ALDH1L1: variants seen among roughly 807,000 people sequenced by gnomAD.
ALDH1L1 encodes the protein aldehyde dehydrogenase 1 family member L1, also known as cytosolic 10-formyltetrahydrofolate dehydrogenase.
ALDH1L1 carries 68 observed loss-of-function variants against 101.1 expected under a neutral mutation model. The observed-to-expected ratio is 0.67, with a 90% CI of 0.55 to 0.82. The LOEUF is 0.82. Ranked by LOEUF, ALDH1L1 falls within the 40% of genes least tolerant of loss-of-function variation. The pLI, the probability that ALDH1L1 is intolerant of heterozygous loss-of-function variation, is 0.00. For synonymous variants in ALDH1L1, 486 were observed against 470.8 expected, an observed-to-expected ratio of 1.03 and a Z score of -0.42; for missense variants, 1,087 against 1,172.7, an observed-to-expected ratio of 0.93 and a Z score of 1.07.
intron 1 of ALDH1L1, among the ~76,000 whole-genome samples, chr3:126,173,880 G>A (rs2081326044): frequency 1.3e-5 from 2 of 152,312 alleles, no homozygotes; most frequent in South Asian, 4.1e-4. Context: ...TAATGGTAAA[G>A]GAGTCAATTA....
At chr3:126,123,457 C>G (rs958454349) in intron 16 of ALDH1L1, among the ~76,000 whole-genome samples, 19 of 151,914 alleles carry the variant, frequency 1.3e-4, no homozygotes, top group African/African-American at 4.4e-4. Flanking sequence ...GGGGTTTCAC[C>G]ATGTTGGCCA....
chr3:126,137,928 C>A lies in ALDH1L1; in HGVS notation c.1109G>T (p.Gly370Val), dbSNP rs774332314. ...LVEEVKELCDGLELENEDVYM... is the reference protein window; with the variant it reads ...LVEEVKELCDVLELENEDVYM... ...CACATCTTCATTTTCTAACTCCAGG[C>A]CATCACACAGCTCCTTCACTTCCTC... The change falls in exon 10 of 23, where the codon GGC (glycine) becomes GTC (valine). Residue 370 changes from glycine (G) to valine (V), a missense_variant. This residue lies in a region of ALDH1L1 where 645 missense variants were observed against 637.0 expected (regional missense o/e 1.01). Transcript: ENST00000393434. The A allele has an allele frequency of 2.5e-6, 4 of 1,614,024 alleles. No homozygotes were observed. The African/African-American group carries it at 5.3e-5, about 22-fold the overall frequency.
chr3:126,125,244 A>G (rs2080158134), intron 15 of ALDH1L1, among the ~76,000 whole-genome samples: 1 of 152,188 alleles, frequency 6.6e-6, no homozygotes, highest in East Asian at 1.9e-4. Context: ...CTCGGAAGCC[A>G]CATAAGGGAC....
chr3:126,189,052 C>T (rs1189360891), intron 1 of ALDH1L1, among the ~76,000 whole-genome samples: 1 of 152,196 alleles, frequency 6.6e-6, no homozygotes. Flanking sequence ...TCTCGCATCC[C>T]ATGACTGGGC....
chr3:126,112,741 CCA>C, intron 19 of ALDH1L1, 39 bp downstream of exon 19: 1 of 1,588,160 alleles, frequency 6.3e-7, no homozygotes, highest in Non-Finnish European at 8.6e-7. Context: ...CGCTGCTGTC[CCA>C]GTGAACCAGC....
At chr3:126,111,927 G>A (rs150016801) in intron 19 of ALDH1L1, among the ~76,000 whole-genome samples, 3 of 152,186 alleles carry the variant, frequency 2.0e-5, no homozygotes, top group African/African-American at 7.2e-5. Context: ...GGCCTGGCTC[G>A]TGTCAACCCC....
At chr3:126,140,412 T>A (rs542747300) in intron 9 of ALDH1L1, among the ~76,000 whole-genome samples, 2 of 151,802 alleles carry the variant, frequency 1.3e-5, no homozygotes, top group African/African-American at 4.8e-5. Context: ...CTGAAAAGAG[T>A]CTTTCAGGCT....
rs538356029 is a variant in ALDH1L1 at position 126,141,566 on chromosome 3, A to G, written c.1077-3606T>C. 2.6e-5 allele frequency among the ~76,000 whole-genome samples: 4 copies of G among 152,260 alleles called. No individual in the cohort carries two copies. The South Asian group carries it at 8.3e-4, about 32-fold the overall frequency. On this transcript the variant is annotated intron_variant, in intron 9 of 22. Transcript: ENST00000393434. Reference sequence around the variant, plus strand: ...TAACAGAAAGAAATCTGGAAAATCCATAAAGATATGAAAATGAGCTAGCAC... The same window carrying G: ...TAACAGAAAGAAATCTGGAAAATCCGTAAAGATATGAAAATGAGCTAGCAC...
At chr3:126,149,225 T>C (rs1049930805) in intron 8 of ALDH1L1, among the ~76,000 whole-genome samples, 1 of 152,262 alleles carries the variant, frequency 6.6e-6, no homozygotes, top group Non-Finnish European at 1.5e-5. Context: ...TGCTTAGACG[T>C]ATTGCCGATG....
rs1447705446 is a variant in ALDH1L1 at position 126,136,890 on chromosome 3, G to A, written c.1225-7C>T. ...TGTTCACTGCCATTTCCACCTGAAAGAAAGGCCCCAGTGACAAGCACAAAC... is the reference window on the plus strand; with the variant it reads ...TGTTCACTGCCATTTCCACCTGAAAAAAAGGCCCCAGTGACAAGCACAAAC... On this transcript the variant is annotated splice_polypyrimidine_tract_variant and splice_region_variant and intron_variant, in intron 10 of 22. Coordinates refer to ENST00000393434, the MANE Select transcript of ALDH1L1 (RefSeq NM_012190.4). 1.9e-6 allele frequency: 3 copies of A among 1,613,664 alleles called. No homozygotes were observed. The highest frequency in any genetic ancestry group is 2.5e-6 in the Non-Finnish European group (3 of 1,179,874).
At chr3:126,105,128 GTAACT>G (rs2108159845) in intron 22 of ALDH1L1, 1 of 168,566 alleles carries the variant, frequency 5.9e-6, no homozygotes, top group Admixed American at 5.5e-5. Context: ...TGCCGCCTGA[GTAACT>G]TCACCTCTAC....
At chr3:126,150,708 A>G in intron 7 of ALDH1L1, 177 bp from the exon 8 acceptor site, 7 of 596,548 alleles carry the variant, frequency 1.2e-5, no homozygotes, top group Non-Finnish European at 1.9e-5. Context: ...GGCGCGCACC[A>G]CCATGCCCGA....
intron 12 of ALDH1L1, among the ~76,000 whole-genome samples, chr3:126,132,913 G>A (rs13071073): frequency 0.49 from 73,898 of 152,094 alleles, 17,999 homozygotes; most frequent in African/African-American, 0.52. Context: ...CAGGTTTGCT[G>A]CATAAAACCA....
At chr3:126,175,054 A>T (rs2081346338) in intron 1 of ALDH1L1, among the ~76,000 whole-genome samples, 1 of 152,178 alleles carries the variant, frequency 6.6e-6, no homozygotes, top group Non-Finnish European at 1.5e-5. Flanking sequence ...CAAAAATGAA[A>T]GAAGGGCCAT....
intron 1 of ALDH1L1, among the ~76,000 whole-genome samples, chr3:126,164,407 G>C (rs920641761): frequency 6.6e-6 from 1 of 152,144 alleles, no homozygotes; most frequent in Non-Finnish European, 1.5e-5. Flanking sequence ...TGCAGTGTCT[G>C]TTGTTCCCAT....
chr3:126,105,269 T>G (rs1283239068), intron 22 of ALDH1L1: 1 of 274,538 alleles, frequency 3.6e-6, no homozygotes, highest in African/African-American at 2.2e-5. Flanking sequence ...GGCCCCTACC[T>G]GCCTCTCAGG....
At position 126,135,936 on chromosome 3, in the gene ALDH1L1, C is replaced by T. The variant is rs367599492; in HGVS notation, c.1345-274G>A. Among the ~76,000 whole-genome samples, 22 of 152,312 alleles carry T rather than the reference C, an allele frequency of 1.4e-4. No individual in the cohort carries two copies. The South Asian group carries it at 4.6e-3, about 32-fold the overall frequency. On this transcript the variant is annotated intron_variant, in intron 11 of 22. Transcript: ENST00000393434. ...GTGCCATCCGTGCAGGCTCCCTCAC[C>T]TTGGTGCCTGCTGGGTGTGGTGAGG...
rs147267704 is a variant in ALDH1L1, at chr3:126,154,331, G to A, written c.720+223C>T. On this transcript the variant is annotated intron_variant, in intron 6 of 22. Transcript: ENST00000393434. ...GGCCCCAGGGGCACTACAAGGGCCT[G>A]GAGGCCTCCAGCTACGCAGGACATC... Among the ~76,000 whole-genome samples, 417 of 152,318 alleles carry A rather than the reference G, an allele frequency of 2.7e-3. 1 individual carries two copies. Among genetic ancestry groups the A allele is most frequent in the African/African-American group, 9.6e-3 (397 of 41,560 alleles).
chr3:126,180,558 C>T lies in ALDH1L1; in HGVS notation c.-106G>A, dbSNP rs547846318. ...CCCGAAACTGAGGTTGGTGCAGACC[C>T]GTCCTGGGAGCCAGGAGGTGGGACC... On this transcript the variant is annotated 5_prime_UTR_variant, in exon 1 of 23. Transcript: ENST00000393434. 3 of 1,110,178 alleles carry T rather than the reference C, an allele frequency of 2.7e-6. No individual in the cohort carries two copies. The highest frequency in any genetic ancestry group is 3.3e-6 in the Non-Finnish European group (3 of 903,002). The allele number at this position is 1,110,178 out of a possible 1,614,324, so 68.8% of individuals were successfully genotyped here.
Sources: allele counts gnomAD v4.1 joint callset (sites outside exome capture counted in the v4.1 genomes callset), GRCh38; gene constraint gnomAD v4.1.1; regional missense constraint gnomAD v4.1.1; transcripts MANE v1.5; gene names NCBI Gene and HGNC (gene_info 2026-07-23, HGNC 2026-07-21).